Variants in FBXO3 observed in about 807,000 individuals in gnomAD.
FBXO3 encodes the protein F-box only protein 3.
Under a neutral mutation model 64.8 loss-of-function variants are expected in FBXO3, and 17 were observed. The observed-to-expected ratio is 0.26, with a 90% CI of 0.18 to 0.39. The LOEUF (loss-of-function observed/expected upper bound fraction) is 0.39. FBXO3 is among the 10% of genes least tolerant of loss of function. The pLI is 1.00. For synonymous variants in FBXO3, 182 were observed against 201.6 expected (o/e 0.90, Z 0.82); for missense variants, 420 against 589.9 (o/e 0.71, Z 2.98).
In FBXO3 at chr11:33,748,760, A is replaced by C; in HGVS notation, c.1048+17T>G. On this transcript the variant is annotated intron_variant, in intron 9 of 10. Coordinates refer to ENST00000265651, the MANE Select transcript of FBXO3 (RefSeq NM_012175.4). Reference sequence around the variant, plus strand: ...TCTAAGGAATTAATGTATAAACCTAAATCTTGGGTTCCATACCAACTACTC... The same window carrying C: ...TCTAAGGAATTAATGTATAAACCTACATCTTGGGTTCCATACCAACTACTC... The C allele has an allele frequency of 6.6e-7, 1 of 1,524,740 alleles. No homozygotes were observed. The highest frequency in any genetic ancestry group is 9.1e-7 in the Non-Finnish European group (1 of 1,101,016). The allele number at this position is 1,524,740 out of a possible 1,614,324, so 94.5% of individuals were successfully genotyped here. A position where few individuals can be genotyped will look rare whatever the true frequency, so the allele number is the denominator to read the frequency against.
At chr11:33,759,885 GA>G (rs1329555257) in intron 3 of FBXO3, among the ~76,000 whole-genome samples, 1 of 152,034 alleles carries the variant, frequency 6.6e-6, no homozygotes, top group African/African-American at 2.4e-5. Context: ...TCTTAGAGCT[GA>G]AAAATGCAAA....
At chr11:33,754,668 A>G (rs755414377) in intron 5 of FBXO3, among the ~76,000 whole-genome samples, 168 bp from the exon 6 acceptor site, 3 of 152,222 alleles carry the variant, frequency 2.0e-5, no homozygotes, top group Non-Finnish European at 4.4e-5. Flanking sequence ...ATCAGAGTCA[A>G]GAGATCCGAA....
chr11:33,754,886 G>A (rs978727317), intron 5 of FBXO3, among the ~76,000 whole-genome samples: 1 of 137,990 alleles, frequency 7.2e-6, no homozygotes, highest in Non-Finnish European at 1.5e-5. Flanking sequence ...TTTTTTTTGA[G>A]AGGGAGCCTT....
Position 33,758,593 on chromosome 11 carries a change from G to C in FBXO3, c.367C>G (p.Arg123Gly), listed in dbSNP as rs757026637. 6.3e-7 allele frequency: 1 copy of C among 1,599,892 alleles called. No homozygotes were observed. Among genetic ancestry groups the C allele is most frequent in the Admixed American group, 1.7e-5 (1 of 59,226 alleles). ...TCCACAGCATCGAGGTCTTCCTCTC[G>C]AGCACCCTCTATAAAGGCACAAAAA... ...RMVLSLKEGA[R>G]EEDLDAVEAQ... The change falls in exon 4 of 11, where the codon CGA (arginine) becomes GGA (glycine). Residue 123 changes from arginine (R) to glycine (G), a missense_variant. Around this residue, in one of 3 missense-constraint regions of FBXO3, gnomAD observed 337 missense variants for 518.4 expected, o/e 0.65. Transcript: ENST00000265651.
intron 10 of FBXO3, chr11:33,744,459 A>G (rs1854764376): frequency 6.6e-6 from 1 of 152,270 alleles, no homozygotes; most frequent in Non-Finnish European, 1.5e-5. Context: ...TGCATATCCC[A>G]AGAGGCATTC....
Position 33,750,761 on chromosome 11 carries a change from T to C in FBXO3, c.810-100A>G, listed in dbSNP as rs1854936548. On this transcript the variant is annotated intron_variant, in intron 7 of 10. Coordinates refer to ENST00000265651, the MANE Select transcript of FBXO3 (RefSeq NM_012175.4). ...TTTAGGACAAAAAATTTAAATCATA[T>C]TTCAGACCCAGAAAAGTTCAATAAT... The C allele has an allele frequency of 2.7e-6, 3 of 1,108,952 alleles. No individual in the cohort carries two copies. In the East Asian group the frequency reaches 7.6e-5, roughly 28 times the overall value. 68.7% of individuals were successfully genotyped at this position (1,108,952 alleles called of 1,614,324 possible).
chr11:33,768,120 ACCGAACATCTATACAAT>A (rs576434473), intron 3 of FBXO3, among the ~76,000 whole-genome samples: 202 of 152,322 alleles, frequency 1.3e-3, no homozygotes, highest in African/African-American at 4.6e-3. Flanking sequence ...GCTTAGCAAA[ACCGAACATCTATACAAT>A]GCCTTTCAGT....
rs769799155 is a variant in FBXO3 at position 33,747,190 on chromosome 11, A to C, written c.1179T>G (p.Asn393Lys). Residue 393 changes from asparagine to lysine, a missense_variant, in exon 10 of 11, where the codon AAT becomes AAG. Coordinates refer to ENST00000265651, the MANE Select transcript of FBXO3 (RefSeq NM_012175.4). ...CCATATGGAATCGGGGAATGGCAAC[A>C]TTAAAGATCTTGTCTTTAAAGTAAA... ...HFLYFKDKIFNVAIPRFHMAC... is the reference protein window; with the variant it reads ...HFLYFKDKIFKVAIPRFHMAC... 4.6e-5 allele frequency: 74 copies of C among 1,610,902 alleles called. No homozygotes were observed. Among genetic ancestry groups the C allele is most frequent in the Non-Finnish European group, 6.0e-5 (71 of 1,179,304 alleles).
chr11:33,763,626 CAAAAAAAA>C (rs33923647), intron 3 of FBXO3, among the ~76,000 whole-genome samples: 2 of 103,022 alleles, frequency 1.9e-5, no homozygotes, highest in African/African-American at 3.5e-5. Context: ...AGAATATCTA[CAAAAAAAA>C]AAAAAAAAAA....
chr11:33,749,200 G>C (rs1854890934), intron 8 of FBXO3, among the ~76,000 whole-genome samples: 1 of 152,138 alleles, frequency 6.6e-6, no homozygotes. Flanking sequence ...TTCAAATAAA[G>C]ATCAATTTGG....
chr11:33,751,432 C>T, intron 7 of FBXO3, 91 bp downstream of exon 7: 1 of 834,556 alleles, frequency 1.2e-6, no homozygotes. Flanking sequence ...TATTATCAAC[C>T]TTCTTGGGAA....
intron 3 of FBXO3, among the ~76,000 whole-genome samples, chr11:33,766,187 C>T (rs1043802458): frequency 2.0e-5 from 3 of 152,160 alleles, no homozygotes; most frequent in African/African-American, 7.2e-5. Flanking sequence ...CCTTAACCTA[C>T]TCATAGAAGG....
intron 2 of FBXO3, among the ~76,000 whole-genome samples, chr11:33,770,207 T>A (rs1050256301): frequency 1.3e-5 from 2 of 152,242 alleles, no homozygotes; most frequent in Non-Finnish European, 2.9e-5. Flanking sequence ...CACTTCTGTC[T>A]AAAGCTTGCA....
intron 2 of FBXO3, among the ~76,000 whole-genome samples, chr11:33,770,038 T>C (rs771787827): frequency 6.6e-6 from 1 of 152,206 alleles, no homozygotes; most frequent in Non-Finnish European, 1.5e-5. Flanking sequence ...AAGTTACCTC[T>C]ATAGTTCTAA....
At chr11:33,756,196 T>C (rs1295554846) in intron 4 of FBXO3, among the ~76,000 whole-genome samples, 1 of 152,236 alleles carries the variant, frequency 6.6e-6, no homozygotes, top group Non-Finnish European at 1.5e-5. Flanking sequence ...ATTAATTAAA[T>C]GTCTAAATGG....
rs1467942321 is a variant in FBXO3 at position 33,743,714 on chromosome 11, C to T, written c.1240-1630G>A. ...GTGCTGCTCCTTTGCTTCGACCTCT[C>T]GTCTCCCACATATCCACCTAATTCC... On this transcript the variant is annotated intron_variant, in intron 10 of 10. Transcript: ENST00000265651. The surrounding 1 kb of genome is among the most constrained non-coding windows in gnomAD (Gnocchi z 4.6). 2.6e-5 allele frequency: 4 copies of T among 152,316 alleles called. No homozygotes were observed. Among genetic ancestry groups the T allele is most frequent in the Non-Finnish European group, 4.4e-5 (3 of 68,098 alleles). The allele number at this position is 152,316 out of a possible 1,614,324, so 9.4% of individuals were successfully genotyped here.
intron 3 of FBXO3, among the ~76,000 whole-genome samples, chr11:33,761,720 G>C (rs566149040): frequency 2.6e-5 from 4 of 152,290 alleles, no homozygotes; most frequent in African/African-American, 9.6e-5. Context: ...GGCATCAACT[G>C]GGGCTGCTAT....
intron 6 of FBXO3, among the ~76,000 whole-genome samples, chr11:33,752,905 T>C (rs1417397751): frequency 6.6e-6 from 1 of 152,208 alleles, no homozygotes; most frequent in African/African-American, 2.4e-5. Context: ...ATCTACCTTA[T>C]TTTATTACAA....
intron 9 of FBXO3, among the ~76,000 whole-genome samples, chr11:33,747,876 TA>T (rs60328389): frequency 0.06 from 6,424 of 106,618 alleles, 249 homozygotes; most frequent in East Asian, 0.21. Flanking sequence ...AAGTATCTAG[TA>T]AAAAAAAAAA....
Sources: allele counts gnomAD v4.1 joint callset (sites outside exome capture counted in the v4.1 genomes callset), GRCh38; gene constraint gnomAD v4.1.1; regional missense constraint gnomAD v4.1.1; non-coding constraint Gnocchi (gnomAD v3.1); transcripts MANE v1.5; gene names NCBI Gene and HGNC (gene_info 2026-07-23, HGNC 2026-07-21).